The following CYFIP1 variants were observed in gnomAD, a reference collection of about 807,000 sequenced individuals.
The protein encoded by CYFIP1 is cytoplasmic FMR1-interacting protein 1.
A neutral mutation model predicts 163.5 loss-of-function variants in CYFIP1; 58 were observed. The ratio of observed to expected loss-of-function variants is 0.35; its 90% CI spans 0.29 to 0.44. The LOEUF is 0.44. CYFIP1 is among the 20% of genes least tolerant of loss of function. The pLI is 1.00. For synonymous variants in CYFIP1, 663 were observed against 660.7 expected, an observed-to-expected ratio of 1.00 and a Z score of -0.05; for missense variants, 1,338 against 1,653.8, an observed-to-expected ratio of 0.81 and a Z score of 3.31.
intron 4 of CYFIP1, 71 bp downstream of exon 4, chr15:22,944,791 G>A: frequency 1.9e-6 from 3 of 1,548,438 alleles, no homozygotes; most frequent in East Asian, 2.2e-5. Context: ...GGCATGGCAG[G>A]GGCAGGGGTG....
chr15:22,918,618 G>A (rs766124975), intron 14 of CYFIP1, 74 bp downstream of exon 14: 31 of 1,315,880 alleles, frequency 2.4e-5, no homozygotes, highest in South Asian at 6.4e-5. Context: ...AGAATTTAAC[G>A]CTCCTGTTGT....
chr15:22,877,130 C>T lies in CYFIP1; in HGVS notation c.3043-1859G>A, dbSNP rs146572914. 2.4e-3 allele frequency among the ~76,000 whole-genome samples: 366 copies of T among 152,188 alleles called. 2 individuals are homozygous for T. The highest frequency in any genetic ancestry group is 7.3e-3 in the African/African-American group (304 of 41,510). On this transcript the variant is annotated intron_variant, in intron 26 of 30. Transcript: ENST00000617928. ...AATGTAGCAGTGTTGGAAGGTGGTCCGAGAGGTGATGGATTTCTTACAGGG... is the reference window on the plus strand; with the variant it reads ...AATGTAGCAGTGTTGGAAGGTGGTCTGAGAGGTGATGGATTTCTTACAGGG...
chr15:22,932,529 CTTG>C (rs751555447), intron 10 of CYFIP1, among the ~76,000 whole-genome samples, 189 bp from the exon 11 acceptor site: 3 of 152,198 alleles, frequency 2.0e-5, no homozygotes, highest in Admixed American at 6.5e-5. Context: ...GCCTAAAATA[CTTG>C]TTATGTGTCC....
At chr15:22,910,660 T>A (rs777700210) in intron 19 of CYFIP1, 32 bp from the exon 20 acceptor site, 6 of 1,608,592 alleles carry the variant, frequency 3.7e-6, no homozygotes, top group Admixed American at 3.3e-5. Context: ...AAGTTTTTCA[T>A]ACGCCATAAA....
intron 1 of CYFIP1, among the ~76,000 whole-genome samples, chr15:22,969,315 G>A (rs115655336): frequency 0.014 from 2,206 of 152,268 alleles, 53 homozygotes; most frequent in African/African-American, 0.05. Context: ...CCCACGGCAT[G>A]GGCTGTGCGT....
chr15:22,934,211 G>T (rs1411123894), intron 9 of CYFIP1, among the ~76,000 whole-genome samples: 1 of 95,114 alleles, frequency 1.1e-5, no homozygotes, highest in African/African-American at 4.4e-5. Flanking sequence ...TTTTGAGACA[G>T]AGTCTCGCTC....
chr15:22,937,252 A>G lies in CYFIP1; in HGVS notation c.796-44T>C, dbSNP rs746582121. ...AATGATGCGACAAAGCTCAGAACTG[A>G]GAATTTCACTACCCATAAGGACTTA... On this transcript the variant is annotated intron_variant, in intron 8 of 30. Transcript: ENST00000617928. 2.6e-6 allele frequency: 3 copies of G among 1,164,454 alleles called. No homozygotes were observed. The South Asian group carries it at 3.7e-5, about 14-fold the overall frequency. The allele number at this position is 1,164,454 out of a possible 1,614,324, so 72.1% of individuals were successfully genotyped here. A position where few individuals can be genotyped will look rare whatever the true frequency, so the allele number is the denominator to read the frequency against.
At chr15:22,971,660 G>A (rs942331257) in intron 1 of CYFIP1, among the ~76,000 whole-genome samples, 8 of 148,496 alleles carry the variant, frequency 5.4e-5, no homozygotes, top group African/African-American at 7.5e-5. Flanking sequence ...TGAGCAACAA[G>A]ACCAAAACTC....
At chr15:22,873,467 G>A (rs762371501) in intron 29 of CYFIP1, 24 bp downstream of exon 29, 1 of 1,594,226 alleles carries the variant, frequency 6.3e-7, no homozygotes, top group Admixed American at 1.7e-5. Context: ...CTGGGGCTTT[G>A]TCCTGCTCTC....
Position 22,964,361 on chromosome 15 carries a change from A to T in CYFIP1, c.-7+15926T>A, listed in dbSNP as rs1478521331. 4.2e-4 allele frequency among the ~76,000 whole-genome samples: 31 copies of T among 73,470 alleles called. 1 individual carries two copies. In the East Asian group the frequency reaches 6.9e-3, roughly 16 times the overall value. 48.2% of individuals were successfully genotyped at this position (73,470 alleles called of 152,430 possible). A position where few individuals can be genotyped will look rare whatever the true frequency, so the allele number is the denominator to read the frequency against. On this transcript the variant is annotated intron_variant, in intron 1 of 30. Coordinates refer to ENST00000617928, the MANE Select transcript of CYFIP1 (RefSeq NM_014608.6). Reference sequence around the variant, plus strand: ...CTCCGCAACCTCATCACTCACACACACACACACACACACACACACACACAC... The same window carrying T: ...CTCCGCAACCTCATCACTCACACACTCACACACACACACACACACACACAC...
chr15:22,895,556 G>A (rs2060212618), intron 22 of CYFIP1, among the ~76,000 whole-genome samples: 1 of 152,192 alleles, frequency 6.6e-6, no homozygotes, highest in Non-Finnish European at 1.5e-5. Context: ...CCAGTTCTAG[G>A]AGGCAGTCTC....
In CYFIP1 at chr15:22,917,173, G is replaced by A. The variant is rs1430474259; in HGVS notation, c.1675-543C>T. 6 of 1,431,336 alleles carry A rather than the reference G, an allele frequency of 4.2e-6. No individual in the cohort carries two copies. In the East Asian group the frequency reaches 1.3e-4, roughly 30 times the overall value. The allele number at this position is 1,431,336 out of a possible 1,614,324, so 88.7% of individuals were successfully genotyped here. A position where few individuals can be genotyped will look rare whatever the true frequency, so the allele number is the denominator to read the frequency against. On this transcript the variant is annotated intron_variant, in intron 15 of 30. Coordinates refer to ENST00000617928, the MANE Select transcript of CYFIP1 (RefSeq NM_014608.6). This position sits in a 1 kb window ranked among gnomAD's most constrained non-coding sequence, Gnocchi z 4.2. ...CGCACAGGCCGAGGGCCGTCCCCCT[G>A]ACCCTCCTGCAGAGCCAGCAGCGTG...
chr15:22,968,063 G>T (rs1310897481), intron 1 of CYFIP1, among the ~76,000 whole-genome samples: 1 of 152,076 alleles, frequency 6.6e-6, no homozygotes, highest in Non-Finnish European at 1.5e-5. Flanking sequence ...TTGAACCAGG[G>T]AGGTGGAGGT....
Position 22,889,038 on chromosome 15 carries a change from C to CAAA in CYFIP1, c.2676+3849_2676+3851dup, listed in dbSNP as rs543290681. ...CCAGCCTAGGGGACAGACTCTGTCT[C>CAAA]AAAAAAAAAAAACACACAAAAAAAA... On this transcript the variant is annotated intron_variant, in intron 23 of 30. Coordinates refer to ENST00000617928, the MANE Select transcript of CYFIP1 (RefSeq NM_014608.6). Among the ~76,000 whole-genome samples the CAAA allele has an allele frequency of 1.2e-4, 16 of 134,230 alleles. 1 individual carries two copies. In the East Asian group the frequency reaches 1.3e-3, roughly 11 times the overall value. The allele number at this position is 134,230 out of a possible 152,430, so 88.1% of individuals were successfully genotyped here. A position where few individuals can be genotyped will look rare whatever the true frequency, so the allele number is the denominator to read the frequency against.
chr15:22,974,223 C>T (rs981179612), intron 1 of CYFIP1, among the ~76,000 whole-genome samples: 54 of 152,104 alleles, frequency 3.6e-4, no homozygotes, highest in African/African-American at 1.2e-3. Context: ...GATCGCTGTA[C>T]CCCATGTTTA....
At position 22,915,626 on chromosome 15, in the gene CYFIP1, A is replaced by T. The variant is rs189003143; in HGVS notation, c.1829-744T>A. Among the ~76,000 whole-genome samples the T allele has an allele frequency of 1.8e-4, 27 of 152,186 alleles. 1 individual carries two copies. In the East Asian group the frequency reaches 4.7e-3, roughly 26 times the overall value. On this transcript the variant is annotated intron_variant, in intron 16 of 30. Coordinates refer to ENST00000617928, the MANE Select transcript of CYFIP1 (RefSeq NM_014608.6). ...TAGCCAGGCGCAGTGGTGAGCACCT[A>T]TAATCCCAGCTACTTGGGAGGCTGA...
chr15:22,873,367 C>T (rs1001134237), intron 29 of CYFIP1, 124 bp downstream of exon 29: 22 of 781,980 alleles, frequency 2.8e-5, no homozygotes, highest in South Asian at 5.3e-5. Flanking sequence ...GCTTAAAAGC[C>T]GCTCAGTGAG....
chr15:22,899,275 T>A (rs746478481), intron 22 of CYFIP1, among the ~76,000 whole-genome samples: 1 of 152,112 alleles, frequency 6.6e-6, no homozygotes, highest in Non-Finnish European at 1.5e-5. Flanking sequence ...TAGAATGAAC[T>A]CTGCAGTGCT....
In CYFIP1 at chr15:22,944,636, G is replaced by A. The variant is rs758255942; in HGVS notation, c.309C>T (p.Asn103=). 5 of 1,613,854 alleles carry A rather than the reference G, an allele frequency of 3.1e-6. No individual in the cohort carries two copies. The highest frequency in any genetic ancestry group is 4.5e-5 in the East Asian group (2 of 44,874). ...CGGTTTTCTCGTAGATTTCCACTCT[G>A]TTAGGCTGCTCGTTACATTTCACCT... ...IPQVKCNEQP[N]RVEIYEKTVE... is the part of the protein sequence containing the mutation. The change falls in exon 5 of 31, where the codon AAC becomes AAT. Residue 103 remains asparagine, a synonymous_variant. Coordinates refer to ENST00000617928, the MANE Select transcript of CYFIP1 (RefSeq NM_014608.6).
Sources: allele counts gnomAD v4.1 joint callset (sites outside exome capture counted in the v4.1 genomes callset), GRCh38; gene constraint gnomAD v4.1.1; non-coding constraint Gnocchi (gnomAD v3.1); transcripts MANE v1.5; gene names NCBI Gene and HGNC (gene_info 2026-07-23, HGNC 2026-07-21).